Variants in CROCC2 observed in about 807,000 individuals in gnomAD.
The protein encoded by CROCC2 is ciliary rootlet coiled-coil protein 2.
CROCC2 carries 163 observed loss-of-function variants against 177.6 expected under a neutral mutation model. The ratio of observed to expected loss-of-function variants is 0.92; its 90% CI spans 0.81 to 1.05. CROCC2 has a LOEUF of 1.05. Ranked by LOEUF, CROCC2 falls within the 50% of genes least tolerant of loss-of-function variation. The pLI is 0.00. For missense variants in CROCC2, 1,929 were observed against 1,797.8 expected (o/e 1.07, Z -1.32); for synonymous variants, 904 against 787.3 (o/e 1.15, Z -2.48).
chr2:240,989,364 C>T (rs1393818661), intron 29 of CROCC2, among the ~76,000 whole-genome samples: 2 of 152,284 alleles, frequency 1.3e-5, no homozygotes, highest in South Asian at 4.1e-4. Context: ...CGATGCCCTC[C>T]GGACACCCAG....
intron 8 of CROCC2, 138 bp downstream of exon 8, chr2:240,932,552 C>T (rs1247994540): frequency 1.5e-6 from 1 of 688,378 alleles, no homozygotes; most frequent in Non-Finnish European, 2.7e-6. Flanking sequence ...CACTTTGAGG[C>T]ACGTCAGGAA....
chr2:240,964,626 G>A lies in CROCC2; in HGVS notation c.3465+1G>A, dbSNP rs1330924318. 2 of 1,548,200 alleles carry A rather than the reference G, an allele frequency of 1.3e-6. No individual in the cohort carries two copies. The highest frequency in any genetic ancestry group is 1.7e-6 in the Non-Finnish European group (2 of 1,145,986). On this transcript the variant is annotated splice_donor_variant, in intron 22 of 31. Coordinates refer to ENST00000690015, the MANE Select transcript of CROCC2 (RefSeq NM_001351305.2). LOFTEE classifies it high-confidence loss of function. ...GGAGCTCCGGGAACTCCACAGACAG[G>A]TAGGGCGGCAGGGAGGGGTCAACAT... is the stretch of plus-strand genomic sequence containing the variant.
chr2:240,945,324 G>C (rs1432288602), intron 14 of CROCC2, among the ~76,000 whole-genome samples: 1 of 152,204 alleles, frequency 6.6e-6, no homozygotes, highest in Non-Finnish European at 1.5e-5. Context: ...GTGAGCTTCG[G>C]TGTCTATGAA....
chr2:240,920,820 T>C (rs2059353300), intron 3 of CROCC2, among the ~76,000 whole-genome samples: 1 of 152,220 alleles, frequency 6.6e-6, no homozygotes, highest in African/African-American at 2.4e-5. Context: ...TGAAGAAACC[T>C]GCTAGGCCAG....
intron 14 of CROCC2, among the ~76,000 whole-genome samples, chr2:240,944,698 C>T (rs987564305): frequency 7.2e-5 from 11 of 152,034 alleles, no homozygotes; most frequent in African/African-American, 2.4e-4. Context: ...TCTTCTTGAA[C>T]ACGTGAATCA....
chr2:240,957,985 GCTTCTGGAGC>G, intron 19 of CROCC2: 1 of 985,380 alleles, frequency 1.0e-6, no homozygotes, highest in Non-Finnish European at 1.2e-6. Flanking sequence ...GCCAGTGCTG[GCTTCTGGAGC>G]CTTCTCTTGA....
intron 1 of CROCC2, among the ~76,000 whole-genome samples, chr2:240,910,333 C>T (rs1242816852): frequency 5.2e-5 from 3 of 57,806 alleles, no homozygotes; most frequent in African/African-American, 1.3e-4. Context: ...GAACCCAGCA[C>T]AGAAAGCCCA....
intron 27 of CROCC2, among the ~76,000 whole-genome samples, chr2:240,971,019 T>G (rs1197250144): frequency 6.6e-6 from 1 of 152,146 alleles, no homozygotes; most frequent in African/African-American, 2.4e-5. Flanking sequence ...TCCAGCTCTT[T>G]GCGTTGTCGG....
At chr2:240,946,354 A>T in intron 15 of CROCC2, 101 bp downstream of exon 15, 2 of 1,183,310 alleles carry the variant, frequency 1.7e-6, no homozygotes, top group Non-Finnish European at 2.3e-6. Context: ...ATGACATAGG[A>T]CTGGGAGGGA....
At chr2:240,939,794 A>G (rs2059486822) in intron 14 of CROCC2, among the ~76,000 whole-genome samples, 1 of 152,082 alleles carries the variant, frequency 6.6e-6, no homozygotes, top group African/African-American at 2.4e-5. Flanking sequence ...CATGTGATTT[A>G]TTCTTTGCCC....
Position 240,960,404 on chromosome 2 carries a change from G to A in CROCC2, c.3087+960G>A, listed in dbSNP as rs916270080. Among the ~76,000 whole-genome samples, 1 of 152,206 alleles carries A rather than the reference G, an allele frequency of 6.6e-6. No individual in the cohort carries two copies. The highest frequency in any genetic ancestry group is 2.4e-5 in the African/African-American group (1 of 41,462). On this transcript the variant is annotated intron_variant, in intron 20 of 31. Coordinates refer to ENST00000690015, the MANE Select transcript of CROCC2 (RefSeq NM_001351305.2). The surrounding 1 kb of genome is among the most constrained non-coding windows in gnomAD (Gnocchi z 5.0). ...CCACATGATGGTGACGTGGGGTGGG[G>A]GACAGTCTTGGGCAGGGGGCAAGAG...
chr2:240,915,511 G>A (rs12464799), intron 1 of CROCC2, among the ~76,000 whole-genome samples: 56,593 of 152,108 alleles, frequency 0.37, 11,267 homozygotes, highest in Admixed American at 0.46. Flanking sequence ...TCACAGATGG[G>A]GACATGAGGT....
At chr2:240,985,619 CACT>C (rs2106492868) in intron 28 of CROCC2, among the ~76,000 whole-genome samples, 1 of 123,786 alleles carries the variant, frequency 8.1e-6, no homozygotes, top group Admixed American at 9.7e-5. Context: ...CCCAGACACT[CACT>C]CCACACACAC....
intron 28 of CROCC2, chr2:240,986,116 A>G (rs2106493360): frequency 2.7e-6 from 1 of 367,662 alleles, no homozygotes; most frequent in Non-Finnish European, 5.6e-6. Context: ...CCAGGGCACC[A>G]TCAGTGTCCT....
chr2:240,990,770 G>A (rs1444719180), intron 30 of CROCC2, among the ~76,000 whole-genome samples: 2 of 152,148 alleles, frequency 1.3e-5, no homozygotes, highest in Non-Finnish European at 2.9e-5. Flanking sequence ...TGTTAGTAGA[G>A]ACGGGGTTTC....
intron 30 of CROCC2, among the ~76,000 whole-genome samples, chr2:240,990,906 G>A (rs1484927194): frequency 6.6e-6 from 1 of 152,146 alleles, no homozygotes; most frequent in Non-Finnish European, 1.5e-5. Context: ...CATTCTGAGT[G>A]CCTGAACAGA....
intron 14 of CROCC2, among the ~76,000 whole-genome samples, chr2:240,944,650 A>G (rs572404483): frequency 1.6e-4 from 24 of 151,812 alleles, no homozygotes; most frequent in Non-Finnish European, 2.6e-4. Context: ...TATATTTAGT[A>G]TCCAGTTCTA....
In CROCC2 at chr2:240,910,600, C is replaced by T. The variant is rs1392973175; in HGVS notation, c.78+4009C>T. ...CAGCCTTGGGTCTGGAACCCCAGTC[C>T]TGGGCACAGTGGGGAGGAAGTGGTT... On this transcript the variant is annotated intron_variant, in intron 1 of 31. Coordinates refer to ENST00000690015, the MANE Select transcript of CROCC2 (RefSeq NM_001351305.2). 2.0e-5 allele frequency among the ~76,000 whole-genome samples: 3 copies of T among 152,318 alleles called. No homozygotes were observed. The East Asian group carries it at 5.8e-4, about 29-fold the overall frequency.
Position 240,964,571 on chromosome 2 carries a change from G to C in CROCC2, c.3411G>C (p.Glu1137Asp), listed in dbSNP as rs1304775609. The C allele has an allele frequency of 1.9e-6, 3 of 1,549,568 alleles. No individual in the cohort carries two copies. Among genetic ancestry groups the C allele is most frequent in the African/African-American group, 2.7e-5 (2 of 73,032 alleles). Residue 1137 changes from glutamate to aspartate, a missense_variant, in exon 22 of 32, where the codon GAG becomes GAC. Around this residue, in one of 3 missense-constraint regions of CROCC2, gnomAD observed 1,397 missense variants for 1,239.9 expected, o/e 1.13. Transcript: ENST00000690015. The stretch of plus-strand genomic sequence containing the variant: ...GTGCACTGCGGGCCCACCTGTGGGA[G>C]CTGGAGCAGGCAGGGGGGGACGCCC... Reference protein sequence around the residue: ...EASALRAHLWELEQAGGDARQ... With the variant: ...EASALRAHLWDLEQAGGDARQ...
Sources: allele counts gnomAD v4.1 joint callset (sites outside exome capture counted in the v4.1 genomes callset), GRCh38; gene constraint gnomAD v4.1.1; regional missense constraint gnomAD v4.1.1; non-coding constraint Gnocchi (gnomAD v3.1); transcripts MANE v1.5; gene names NCBI Gene and HGNC (gene_info 2026-07-23, HGNC 2026-07-21).